ZNF878: variants seen among roughly 807,000 people sequenced by gnomAD.
ZNF878 encodes the protein zinc finger protein 878.
In ZNF878, 10 loss-of-function variants were observed where a neutral mutation model predicts 11.1. The ratio of observed to expected loss-of-function variants is 0.90; its 90% CI spans 0.56 to 1.53. ZNF878 has a LOEUF of 1.53. Ranked by LOEUF, ZNF878 falls within the 40% of genes most tolerant of loss-of-function variation. The pLI, the probability that ZNF878 is intolerant of heterozygous loss-of-function variation, is 0.00. For missense variants in ZNF878, 548 were observed against 626.1 expected (o/e 0.88, Z 1.33); for synonymous variants, 165 against 209.7 (o/e 0.79, Z 1.84).
At chr19:12,050,393 T>C (rs1293654298) in intron 1 of ZNF878, among the ~76,000 whole-genome samples, 1 of 152,112 alleles carries the variant, frequency 6.6e-6, no homozygotes, top group Non-Finnish European at 1.5e-5. Flanking sequence ...GGAAATGAAA[T>C]TTAGGCTTAA....
At position 12,044,207 on chromosome 19, in the gene ZNF878, C is replaced by G. The variant is rs774098057; in HGVS notation, c.1194G>C (p.Lys398Asn). 8 of 1,612,766 alleles carry G rather than the reference C, an allele frequency of 5.0e-6. No homozygotes were observed. The South Asian group carries it at 8.8e-5, about 18-fold the overall frequency. ...THTGEKPYECKQCGKAFRSAS... is the reference protein window; with the variant it reads ...THTGEKPYECNQCGKAFRSAS... ...CAGATCTGAAGGCTTTCCCACATTG[C>G]TTACACTCATAGGGTTTCTCTCCAG... Residue 398 changes from lysine to asparagine, a missense_variant, in exon 4 of 4, where the codon AAG (lysine) becomes AAC (asparagine). By Grantham distance (94) the Lys-to-Asn change is moderately conservative. Around this residue, in one of 3 missense-constraint regions of ZNF878, gnomAD observed 335 missense variants for 358.2 expected, o/e 0.94. Transcript: ENST00000547628.
At chr19:12,046,290 G>T in intron 3 of ZNF878, 78 bp downstream of exon 3, 1 of 1,122,056 alleles carries the variant, frequency 8.9e-7, no homozygotes, top group Non-Finnish European at 1.3e-6. Flanking sequence ...TGTTTCTTAT[G>T]CTTGCTTCTT....
intron 3 of ZNF878, chr19:12,046,044 A>C: frequency 4.1e-6 from 1 of 241,854 alleles, no homozygotes; most frequent in Non-Finnish European, 7.9e-6. Flanking sequence ...AAAGTAGACT[A>C]TTTTATAAAT....
rs767734255 is a variant in ZNF878, at chr19:12,044,977, G to A, written c.424C>T (p.Pro142Ser). 1.9e-6 allele frequency: 3 copies of A among 1,614,124 alleles called. No individual in the cohort carries two copies. In the African/African-American group the frequency reaches 4.0e-5, roughly 22 times the overall value. Residue 142 changes from proline (P) to serine (S), a missense_variant, in exon 4 of 4, where the codon CCT becomes TCT. By Grantham distance (74) the Pro-to-Ser change is moderately conservative. Coordinates refer to ENST00000547628, the MANE Select transcript of ZNF878 (RefSeq NM_001080404.3). ...IHGRTHTGEK[P>S]YECKECGKAF... ...TTCCCACATTCCTTACATTCATAAG[G>A]CTTTTCCCCAGTGTGAGTTCTTCCA...
rs1438745311 is a variant in ZNF878, at chr19:12,043,914, T to C, written c.1487A>G (p.Tyr496Cys). The change falls in exon 4 of 4, where the codon TAC (tyrosine) becomes TGC (cysteine). Residue 496 changes from tyrosine to cysteine, a missense_variant. Transcript: ENST00000547628. Reference sequence around the variant, plus strand: ...CTCTCCAGTATGAATCCTTTCATGGTAGAGAAAAGAGTTGGAAGAAATGAA... The same window carrying C: ...CTCTCCAGTATGAATCCTTTCATGGCAGAGAAAAGAGTTGGAAGAAATGAA... The part of the protein sequence containing the change: ...KAFISSNSFL[Y>C]HERIHTGEKP... 3 of 1,613,874 alleles carry C rather than the reference T, an allele frequency of 1.9e-6. No homozygotes were observed. The highest frequency in any genetic ancestry group is 2.5e-6 in the Non-Finnish European group (3 of 1,179,994).
chr19:12,046,613 A>C (rs758723186), intron 2 of ZNF878, 21 bp downstream of exon 2: 6 of 1,613,846 alleles, frequency 3.7e-6, no homozygotes, highest in Non-Finnish European at 4.2e-6. Context: ...TCACTGAGGG[A>C]AGTAATACTG....
rs147561812 is a variant in ZNF878, at chr19:12,047,334, C to T, written c.4-574G>A. On this transcript the variant is annotated intron_variant, in intron 1 of 3. Transcript: ENST00000547628. ...ATCTCAGCACTTTGGGAGGTGAAGG[C>T]GGGCGGATCGCCTGAGGTCAGGAGT... Among the ~76,000 whole-genome samples the T allele has an allele frequency of 2.0e-3, 297 of 152,040 alleles. 2 individuals carry two copies. The Middle Eastern group carries it at 0.048, about 24-fold the overall frequency.
At chr19:12,046,056 C>T (rs1056116158) in intron 3 of ZNF878, 15 of 271,198 alleles carry the variant, frequency 5.5e-5, no homozygotes, top group East Asian at 2.1e-4. Flanking sequence ...TTTATAAATA[C>T]GGTCTTTGTC....
rs368785232 is a variant in ZNF878, at chr19:12,044,105, A to G, written c.1296T>C (p.Phe432=). 31 of 1,608,394 alleles carry G rather than the reference A, an allele frequency of 1.9e-5. No individual in the cohort carries two copies. Among genetic ancestry groups the G allele is most frequent in the Admixed American group, 5.0e-5 (3 of 59,452 alleles). ...PYGCKQCGKV[F]RVASQLKMHE... Reference sequence around the variant, plus strand: ...GCATTTTAAGTTGTGAGGCAACTCTAAAGACTTTACCACATTGCTTACATC... The same window carrying G: ...GCATTTTAAGTTGTGAGGCAACTCTGAAGACTTTACCACATTGCTTACATC... The change falls in exon 4 of 4, where the codon TTT becomes TTC. Residue 432 remains phenylalanine (F), a synonymous_variant. Transcript: ENST00000547628.
intron 1 of ZNF878, among the ~76,000 whole-genome samples, chr19:12,052,446 C>G (rs1975560689): frequency 6.6e-6 from 1 of 152,230 alleles, no homozygotes; most frequent in African/African-American, 2.4e-5. Context: ...GACCCCACAG[C>G]CCACAGCTCC....
In ZNF878 at chr19:12,044,840, A is replaced by G. The variant is rs1479049560; in HGVS notation, c.561T>C (p.Arg187=). 6.2e-7 allele frequency: 1 copy of G among 1,613,988 alleles called. No homozygotes were observed. Residue 187 remains arginine (R), a synonymous_variant, in exon 4 of 4, where the codon CGT becomes CGC. Coordinates refer to ENST00000547628, the MANE Select transcript of ZNF878 (RefSeq NM_001080404.3). The part of the protein sequence containing the change: ...GKAFSFPSSV[R]RHERIHSAKK... ...TTGCAGAGTGGATTCTTTCATGTCT[A>G]CGAACAGAACTGGGAAAACTGAATG...
chr19:12,051,077 C>G (rs1975545589), intron 1 of ZNF878, among the ~76,000 whole-genome samples: 1 of 121,734 alleles, frequency 8.2e-6, no homozygotes, highest in African/African-American at 3.0e-5. Context: ...GCCTGGGTGA[C>G]AGAGTGAGAC....
chr19:12,044,615 T>C lies in ZNF878; in HGVS notation c.786A>G (p.Lys262=). 6.2e-7 allele frequency: 1 copy of C among 1,614,110 alleles called. No homozygotes were observed. The highest frequency in any genetic ancestry group is 8.5e-7 in the Non-Finnish European group (1 of 1,180,010). The part of the protein sequence containing the change: ...EKRYKCKQCD[K]AFNCPSSFQY... Reference sequence around the variant, plus strand: ...GAAAGGAACTGGGACAATTGAAGGCTTTATCACATTGCTTGCATTTATAGC... The same window carrying C: ...GAAAGGAACTGGGACAATTGAAGGCCTTATCACATTGCTTGCATTTATAGC... Residue 262 remains lysine (K), a synonymous_variant, in exon 4 of 4, where the codon AAA becomes AAG. Transcript: ENST00000547628.
chr19:12,052,902 C>A lies in ZNF878; in HGVS notation c.-101G>T. ...GCAACAGCAGCTACGGCGGAAGTAA[C>A]TGGTCCCTCTCGGAGCAAGAAAGCC... On this transcript the variant is annotated 5_prime_UTR_variant, in exon 1 of 4. Coordinates refer to ENST00000547628, the MANE Select transcript of ZNF878 (RefSeq NM_001080404.3). The A allele has an allele frequency of 6.7e-7, 1 of 1,497,424 alleles. No individual in the cohort carries two copies. Among genetic ancestry groups the A allele is most frequent in the Non-Finnish European group, 9.0e-7 (1 of 1,114,320 alleles). 92.8% of individuals were successfully genotyped at this position (1,497,424 alleles called of 1,614,324 possible). A position where few individuals can be genotyped will look rare whatever the true frequency, so the allele number is the denominator to read the frequency against.
intron 1 of ZNF878, among the ~76,000 whole-genome samples, chr19:12,050,638 T>C (rs1975540371): frequency 6.6e-6 from 1 of 152,152 alleles, no homozygotes; most frequent in African/African-American, 2.4e-5. Flanking sequence ...TATTGTTTTG[T>C]AAAATATTTT....
chr19:12,051,119 GAAA>G (rs1975547333), intron 1 of ZNF878, among the ~76,000 whole-genome samples: 1 of 91,364 alleles, frequency 1.1e-5, no homozygotes, highest in African/African-American at 1.1e-4. Context: ...AAAAAAAAAA[GAAA>G]AGAAAAGAAA....
At chr19:12,049,198 C>T (rs1047071208) in intron 1 of ZNF878, among the ~76,000 whole-genome samples, 5 of 150,652 alleles carry the variant, frequency 3.3e-5, no homozygotes, top group African/African-American at 9.8e-5. Flanking sequence ...AGGCTGGGTG[C>T]GGTGGCTCAT....
chr19:12,046,331 TAC>T, intron 3 of ZNF878, 35 bp downstream of exon 3: 1 of 1,431,490 alleles, frequency 7.0e-7, no homozygotes, highest in Non-Finnish European at 9.6e-7. Context: ...TAAGATTGTA[TAC>T]AGAGACATTG....
At chr19:12,045,484 A>G in intron 3 of ZNF878, among the ~76,000 whole-genome samples, 1 of 151,800 alleles carries the variant, frequency 6.6e-6, no homozygotes, top group East Asian at 2.0e-4. Flanking sequence ...TGTCTCTACT[A>G]AAAAATACAA....
Sources: allele counts gnomAD v4.1 joint callset (sites outside exome capture counted in the v4.1 genomes callset), GRCh38; gene constraint gnomAD v4.1.1; regional missense constraint gnomAD v4.1.1; transcripts MANE v1.5; gene names NCBI Gene and HGNC (gene_info 2026-07-23, HGNC 2026-07-21).